The following ARHGAP28 variants were observed in gnomAD, a reference collection of about 807,000 sequenced individuals.
ARHGAP28 encodes the protein rho GTPase-activating protein 28.
In ARHGAP28, 56 loss-of-function variants were observed where a neutral mutation model predicts 90.7. That is an observed-to-expected ratio of 0.62 (90% confidence interval 0.50 to 0.77). ARHGAP28 has a LOEUF of 0.77. Ranked by LOEUF, ARHGAP28 falls within the 30% of genes least tolerant of loss-of-function variation. The pLI, the probability that ARHGAP28 is intolerant of heterozygous loss-of-function variation, is 0.00. For missense variants in ARHGAP28, 869 were observed against 900.9 expected (o/e 0.96, Z 0.45); for synonymous variants, 308 against 323.3 (o/e 0.95, Z 0.51).
chr18:6,729,826 A>T lies in ARHGAP28; in HGVS notation c.5A>T (p.Glu2Val). 1 of 1,419,100 alleles carries T rather than the reference A, an allele frequency of 7.0e-7. No individual in the cohort carries two copies. Among genetic ancestry groups the T allele is most frequent in the Non-Finnish European group, 9.2e-7 (1 of 1,088,766 alleles). The allele number at this position is 1,419,100 out of a possible 1,614,324, so 87.9% of individuals were successfully genotyped here. The stretch of plus-strand genomic sequence containing the variant: ...CCGAGACATGCGCGGCTGACGATGG[A>T]GGTGGAGGACTCGGGCGGCGTGGTG... The part of the protein sequence containing the change: M[E>V]VEDSGGVVLT... The change falls in exon 1 of 18, where the codon GAG becomes GTG. Residue 2 changes from glutamate to valine, a missense_variant. Transcript: ENST00000383472.
intron 1 of ARHGAP28, chr18:6,730,219 GTGTATA>G (rs2055866666): frequency 3.8e-5 from 6 of 158,794 alleles, no homozygotes; most frequent in African/African-American, 1.3e-4. Context: ...GATAAGTCAT[GTGTATA>G]TATATATATA....
At chr18:6,768,207 G>GT (rs2056214922) in intron 1 of ARHGAP28, among the ~76,000 whole-genome samples, 1 of 151,826 alleles carries the variant, frequency 6.6e-6, no homozygotes, top group Admixed American at 6.6e-5. Context: ...AAATAGTTGA[G>GT]CATATTTATG....
In ARHGAP28 at chr18:6,747,839, C is replaced by G. The variant is rs575392863; in HGVS notation, c.122+17896C>G. Among the ~76,000 whole-genome samples, 35 of 152,266 alleles carry G rather than the reference C, an allele frequency of 2.3e-4. No individual in the cohort carries two copies. In the South Asian group the frequency reaches 6.6e-3, roughly 29 times the overall value. On this transcript the variant is annotated intron_variant, in intron 1 of 17. Transcript: ENST00000383472. ...GTAGAGACATACATAGCTCTTACCC[C>G]CAGTGACTCACACTTTCTGTGTTTA...
chr18:6,823,648 A>G (rs894904343), intron 1 of ARHGAP28, among the ~76,000 whole-genome samples: 1 of 148,614 alleles, frequency 6.7e-6, no homozygotes. Flanking sequence ...ATTTAGGGAC[A>G]TATTTAAACC....
At chr18:6,857,241 C>T (rs1279105907) in intron 4 of ARHGAP28, among the ~76,000 whole-genome samples, 1 of 152,176 alleles carries the variant, frequency 6.6e-6, no homozygotes, top group African/African-American at 2.4e-5. Context: ...AAAAGATCTG[C>T]AGGCAGAAAC....
intron 3 of ARHGAP28, among the ~76,000 whole-genome samples, chr18:6,845,557 T>A (rs1420264915): frequency 6.6e-6 from 1 of 152,192 alleles, no homozygotes; most frequent in Non-Finnish European, 1.5e-5. Flanking sequence ...TTAGCTGTTC[T>A]TACTGATGCT....
intron 16 of ARHGAP28, among the ~76,000 whole-genome samples, chr18:6,903,978 C>A (rs2057351652): frequency 6.6e-6 from 1 of 151,950 alleles, no homozygotes; most frequent in African/African-American, 2.4e-5. Flanking sequence ...AGAAGGAGAA[C>A]ATGAAAACCT....
At position 6,841,203 on chromosome 18, in the gene ARHGAP28, C is replaced by CCTCTCT. The variant is rs1555631524; in HGVS notation, c.543+3794_543+3795insTCTCTC. On this transcript the variant is annotated intron_variant, in intron 3 of 17. Coordinates refer to ENST00000383472, the MANE Select transcript of ARHGAP28 (RefSeq NM_001366230.1). ...CTCCTCTCTCTCTCTCTCTCTCTCT[C>CCTCTCT]CTCTCCTCTCTCTCTCTCTCCCCCC... Among the ~76,000 whole-genome samples, 171 of 41,934 alleles carry CCTCTCT rather than the reference C, an allele frequency of 4.1e-3. 4 individuals carry two copies. The highest frequency in any genetic ancestry group is 7.5e-3 in the Admixed American group (26 of 3,482). The allele number at this position is 41,934 out of a possible 152,430, so 27.5% of individuals were successfully genotyped here.
chr18:6,897,619 C>T (rs943626902), intron 16 of ARHGAP28: 1 of 152,156 alleles, frequency 6.6e-6, no homozygotes, highest in Non-Finnish European at 1.5e-5. Context: ...TGAAGCATTC[C>T]AATCATGTTG....
Position 6,733,656 on chromosome 18 carries a change from C to T in ARHGAP28, c.122+3713C>T, listed in dbSNP as rs1018768523. Among the ~76,000 whole-genome samples the T allele has an allele frequency of 7.2e-5, 11 of 152,074 alleles. 1 individual carries two copies. Among genetic ancestry groups the T allele is most frequent in the African/African-American group, 2.7e-4 (11 of 41,438 alleles). Reference sequence around the variant, plus strand: ...TTGTAACATGAATTTTAATTTGTTTCTTTGGAGCTAAAAGGCAAGAAAACC... The same window carrying T: ...TTGTAACATGAATTTTAATTTGTTTTTTTGGAGCTAAAAGGCAAGAAAACC... On this transcript the variant is annotated intron_variant, in intron 1 of 17. Coordinates refer to ENST00000383472, the MANE Select transcript of ARHGAP28 (RefSeq NM_001366230.1).
intron 1 of ARHGAP28, among the ~76,000 whole-genome samples, chr18:6,739,578 G>A (rs143837692): frequency 1.9e-4 from 29 of 150,116 alleles, no homozygotes; most frequent in African/African-American, 6.8e-4. Context: ...ACTTATTTAA[G>A]ACTATATTTA....
chr18:6,892,579 C>T (rs1016430349), intron 14 of ARHGAP28, among the ~76,000 whole-genome samples: 23 of 152,120 alleles, frequency 1.5e-4, no homozygotes, highest in African/African-American at 5.6e-4. Flanking sequence ...TTGTTGAAGA[C>T]TGGACATTTT....
chr18:6,837,905 AT>A (rs1381750324), intron 3 of ARHGAP28, among the ~76,000 whole-genome samples: 2 of 152,206 alleles, frequency 1.3e-5, no homozygotes, highest in African/African-American at 4.8e-5. Context: ...CAAGAGAATG[AT>A]TCAGAAAAGC....
At chr18:6,854,945 G>A (rs1460197364) in intron 4 of ARHGAP28, among the ~76,000 whole-genome samples, 1 of 152,210 alleles carries the variant, frequency 6.6e-6, no homozygotes, top group Non-Finnish European at 1.5e-5. Context: ...CCCACGGTGT[G>A]CACATGCTCA....
At chr18:6,823,046 C>T (rs1417864909) in intron 1 of ARHGAP28, among the ~76,000 whole-genome samples, 1 of 152,152 alleles carries the variant, frequency 6.6e-6, no homozygotes, top group Non-Finnish European at 1.5e-5. Context: ...CCTCTTTCCA[C>T]CTGGGAGCTC....
At chr18:6,812,217 A>G (rs1030746436) in intron 1 of ARHGAP28, among the ~76,000 whole-genome samples, 1 of 152,184 alleles carries the variant, frequency 6.6e-6, no homozygotes, top group Non-Finnish European at 1.5e-5. Flanking sequence ...TTTTTGTTTT[A>G]AAGAGGGAGC....
At chr18:6,889,687 C>T (rs1469579) in intron 12 of ARHGAP28, among the ~76,000 whole-genome samples, 85,701 of 151,504 alleles carry the variant, frequency 0.57, 24,256 homozygotes, top group Middle Eastern at 0.63. Flanking sequence ...TGGCTACTTT[C>T]ATGAAGCAGA....
At chr18:6,836,847 T>C (rs2056757331) in intron 2 of ARHGAP28, among the ~76,000 whole-genome samples, 2 of 152,196 alleles carry the variant, frequency 1.3e-5, no homozygotes, top group South Asian at 2.1e-4. Flanking sequence ...GAAAAACCAA[T>C]TTGTATTCCA....
At chr18:6,815,708 G>C (rs1000181383) in intron 1 of ARHGAP28, among the ~76,000 whole-genome samples, 1 of 152,092 alleles carries the variant, frequency 6.6e-6, no homozygotes, top group East Asian at 1.9e-4. Context: ...TATAATTTAT[G>C]TACAGGCATA....
Sources: gnomAD v4.1 joint callset for allele counts (sites outside exome capture counted in the v4.1 genomes callset) on GRCh38, gnomAD v4.1.1 for gene constraint, MANE v1.5 for transcripts, NCBI Gene and HGNC (gene_info 2026-07-23, HGNC 2026-07-21) for gene names.